The following SND1 variants were observed in gnomAD, a reference collection of about 807,000 sequenced individuals.
The protein encoded by SND1 is staphylococcal nuclease domain-containing protein 1.
In SND1, 38 loss-of-function variants were observed where a neutral mutation model predicts 121.7. The ratio of observed to expected loss-of-function variants is 0.31; its 90% CI spans 0.24 to 0.41. The LOEUF is 0.41. Ranked by LOEUF, SND1 falls within the 10% of genes least tolerant of loss-of-function variation. The pLI, the probability that SND1 is intolerant of heterozygous loss-of-function variation, is 1.00. For missense variants in SND1, 868 were observed against 1,184.6 expected (o/e 0.73, Z 3.92); for synonymous variants, 401 against 447.4 (o/e 0.90, Z 1.31).
chr7:127,800,863 A>G (rs955329753), intron 10 of SND1, among the ~76,000 whole-genome samples: 1 of 152,178 alleles, frequency 6.6e-6, no homozygotes, highest in African/African-American at 2.4e-5. Flanking sequence ...TGCTGCTTAC[A>G]TAGCTCTATG....
chr7:128,028,746 G>A (rs1792478192), intron 16 of SND1: 8 of 1,614,010 alleles, frequency 5.0e-6, no homozygotes, highest in Non-Finnish European at 5.9e-6. Context: ...AGAGATAGTG[G>A]TGACTGTGGG....
At chr7:128,083,039 C>G (rs186771700) in intron 18 of SND1, among the ~76,000 whole-genome samples, 83 of 152,348 alleles carry the variant, frequency 5.4e-4, no homozygotes, top group African/African-American at 1.9e-3. Flanking sequence ...CCCCTGCCCT[C>G]TGGTGGCTCC....
chr7:127,978,847 T>A (rs1417138914), intron 15 of SND1, among the ~76,000 whole-genome samples: 1 of 152,110 alleles, frequency 6.6e-6, no homozygotes, highest in Non-Finnish European at 1.5e-5. Flanking sequence ...CCACCACGCC[T>A]GGCCAATTTT....
At chr7:128,040,437 T>TAAAAAAAAAAA (rs67595921) in intron 16 of SND1, among the ~76,000 whole-genome samples, 2 of 32,898 alleles carry the variant, frequency 6.1e-5, no homozygotes, top group African/African-American at 1.2e-4. Context: ...GTCCTATCTT[T>TAAAAAAAAAAA]AAAAAAAAAA....
chr7:127,689,428 G>A (rs1795874059), intron 2 of SND1, among the ~76,000 whole-genome samples: 1 of 152,174 alleles, frequency 6.6e-6, no homozygotes, highest in South Asian at 2.1e-4. Context: ...TTGCCCAGAA[G>A]GAAGAACTAG....
chr7:127,802,186 C>T (rs927572111), intron 10 of SND1, among the ~76,000 whole-genome samples: 2 of 152,112 alleles, frequency 1.3e-5, no homozygotes, highest in Non-Finnish European at 2.9e-5. Flanking sequence ...TACTAATTGC[C>T]TACTGTTGAC....
chr7:127,804,953 G>A (rs1292366208), intron 10 of SND1, among the ~76,000 whole-genome samples: 1 of 152,086 alleles, frequency 6.6e-6, no homozygotes, highest in African/African-American at 2.4e-5. Flanking sequence ...CTGAGGGCTG[G>A]TTGTGATAAC....
intron 15 of SND1, among the ~76,000 whole-genome samples, chr7:127,953,721 T>A (rs1246348283): frequency 6.6e-6 from 1 of 152,222 alleles, no homozygotes; most frequent in African/African-American, 2.4e-5. Flanking sequence ...CCACCAGCAA[T>A]CATTTTCACT....
intron 10 of SND1, among the ~76,000 whole-genome samples, chr7:127,745,723 A>G (rs910572953): frequency 5.3e-5 from 8 of 152,158 alleles, no homozygotes; most frequent in African/African-American, 1.9e-4. Context: ...AGTTACTTAA[A>G]AGTGATTTTA....
At chr7:127,784,502 T>C (rs1797777325) in intron 10 of SND1, among the ~76,000 whole-genome samples, 1 of 152,232 alleles carries the variant, frequency 6.6e-6, no homozygotes, top group African/African-American at 2.4e-5. Context: ...GAAATCATTA[T>C]TTCTTAAAGA....
Position 128,086,918 on chromosome 7 carries a change from G to T in SND1, c.2305-20G>T, listed in dbSNP as rs758267525. On this transcript the variant is annotated intron_variant, in intron 20 of 23. Transcript: ENST00000354725. ...GGGGCAGCGAGTATGTGACATGTTG[G>T]CCTGCTGCTTCCTCTGCAGAGAGAG... The T allele has an allele frequency of 6.3e-7, 1 of 1,589,046 alleles. No homozygotes were observed. The highest frequency in any genetic ancestry group is 8.6e-7 in the Non-Finnish European group (1 of 1,157,484).
At chr7:127,878,746 A>G (rs1303271228) in intron 12 of SND1, among the ~76,000 whole-genome samples, 1 of 152,148 alleles carries the variant, frequency 6.6e-6, no homozygotes, top group Non-Finnish European at 1.5e-5. Context: ...TAAAAAATCA[A>G]TTTCAGTCAT....
At chr7:127,755,197 G>A (rs572518230) in intron 10 of SND1, among the ~76,000 whole-genome samples, 7 of 152,222 alleles carry the variant, frequency 4.6e-5, no homozygotes, top group Non-Finnish European at 8.8e-5. Context: ...ACTCTTCACC[G>A]TATCATTACT....
chr7:127,744,160 A>G (rs1170816941), intron 10 of SND1, among the ~76,000 whole-genome samples: 1 of 152,152 alleles, frequency 6.6e-6, no homozygotes, highest in African/African-American at 2.4e-5. Context: ...CTTTGCAATT[A>G]ACACTGATTT....
chr7:127,767,406 G>A (rs1360445574), intron 10 of SND1, among the ~76,000 whole-genome samples: 4 of 152,156 alleles, frequency 2.6e-5, no homozygotes, highest in African/African-American at 9.7e-5. Flanking sequence ...GTGAAGCTAG[G>A]CCCTCGAATC....
chr7:128,026,696 G>A (rs573480180), intron 16 of SND1, among the ~76,000 whole-genome samples: 122 of 152,290 alleles, frequency 8.0e-4, no homozygotes, highest in African/African-American at 2.7e-3. Context: ...AGGTTCCTCG[G>A]GTAGAGCTGG....
At chr7:127,829,526 C>T (rs1381488077) in intron 11 of SND1, among the ~76,000 whole-genome samples, 2 of 152,184 alleles carry the variant, frequency 1.3e-5, no homozygotes, top group East Asian at 1.9e-4. Flanking sequence ...AAACTCTTCT[C>T]CTTAGGCCAC....
At chr7:127,671,254 T>G (rs1795512077) in intron 1 of SND1, among the ~76,000 whole-genome samples, 1 of 152,176 alleles carries the variant, frequency 6.6e-6, no homozygotes, top group Non-Finnish European at 1.5e-5. Context: ...ATTTCAAACT[T>G]TGAGAAAAGT....
At chr7:128,027,257 A>G (rs551686844) in intron 16 of SND1, 1 of 152,320 alleles carries the variant, frequency 6.6e-6, no homozygotes, top group East Asian at 1.9e-4. Flanking sequence ...CCAGAATAAC[A>G]GAGATCTCTG....
Sources: gnomAD v4.1 joint callset for allele counts (sites outside exome capture counted in the v4.1 genomes callset) on GRCh38, gnomAD v4.1.1 for gene constraint, MANE v1.5 for transcripts, NCBI Gene and HGNC (gene_info 2026-07-23, HGNC 2026-07-21) for gene names.